FHIT: variants seen among roughly 807,000 people sequenced by gnomAD.
FHIT encodes the protein bis(5'-adenosyl)-triphosphatase.
A neutral mutation model predicts 17.9 loss-of-function variants in FHIT; 19 were observed. The observed-to-expected ratio is 1.06, with a 90% CI of 0.74 to 1.56. The LOEUF is 1.56. Among genes scored for constraint, FHIT ranks in the 40% most tolerant of loss-of-function variants. The probability of loss-of-function intolerance (pLI) is 0.00; values close to 1 mark genes in which losing one functional copy is unlikely to be tolerated. For missense variants in FHIT, 248 were observed against 189.2 expected (o/e 1.31, Z -1.82); for synonymous variants, 81 against 69.7 (o/e 1.16, Z -0.81).
intron 5 of FHIT, among the ~76,000 whole-genome samples, chr3:60,381,515 T>C (rs1284118386): frequency 6.6e-6 from 1 of 151,702 alleles, no homozygotes; most frequent in Non-Finnish European, 1.5e-5. Context: ...GAAAAGATCA[T>C]TAGACATAAA....
At position 60,485,858 on chromosome 3, in the gene FHIT, T is replaced by A. The variant is rs535073579; in HGVS notation, c.103+51002A>T. On this transcript the variant is annotated intron_variant, in intron 5 of 9. Transcript: ENST00000492590. ...CTTGAATAATTAAGGACCCACGGAT[T>A]GTTCATCTTTTCATATACAGACCCC... 6.6e-5 allele frequency among the ~76,000 whole-genome samples: 10 copies of A among 152,304 alleles called. No individual in the cohort carries two copies. The South Asian group carries it at 2.1e-3, about 32-fold the overall frequency.
At chr3:60,200,396 C>G (rs1702843210) in intron 5 of FHIT, among the ~76,000 whole-genome samples, 1 of 152,152 alleles carries the variant, frequency 6.6e-6, no homozygotes, top group Non-Finnish European at 1.5e-5. Context: ...CAGCAGACCA[C>G]TACAATTTCT....
chr3:60,241,416 C>T (rs1705122744), intron 5 of FHIT, among the ~76,000 whole-genome samples: 2 of 151,764 alleles, frequency 1.3e-5, no homozygotes, highest in Admixed American at 1.3e-4. Context: ...AAGTACTGTC[C>T]CCTAATTTTC....
chr3:61,191,021 T>C (rs1041336973), intron 2 of FHIT, among the ~76,000 whole-genome samples: 4 of 152,022 alleles, frequency 2.6e-5, no homozygotes, highest in African/African-American at 7.2e-5. Context: ...ACATGGCACA[T>C]GTATACATAT....
chr3:60,757,207 A>G (rs113668060), intron 4 of FHIT, among the ~76,000 whole-genome samples: 7 of 152,316 alleles, frequency 4.6e-5, no homozygotes, highest in African/African-American at 1.7e-4. Context: ...TATTGCATAA[A>G]TGGGAAGATA....
At chr3:61,051,470 G>A (rs569958960) in intron 2 of FHIT, among the ~76,000 whole-genome samples, 7 of 152,046 alleles carry the variant, frequency 4.6e-5, no homozygotes, top group African/African-American at 1.4e-4. Flanking sequence ...GGCTGATCTC[G>A]AACTCTAGCC....
chr3:60,228,422 CA>C lies in FHIT; in HGVS notation c.104-214271del, dbSNP rs776051903. ...TTATGATTGTATGACCTTGGGAATA[CA>C]CTAAAAAAGCCACTGAATTGCATAC... On this transcript the variant is annotated intron_variant, in intron 5 of 9. Transcript: ENST00000492590. Among the ~76,000 whole-genome samples, 7 of 152,186 alleles carry C rather than the reference CA, an allele frequency of 4.6e-5. No homozygotes were observed. In the East Asian group the frequency reaches 1.2e-3, roughly 25 times the overall value.
intron 3 of FHIT, among the ~76,000 whole-genome samples, chr3:60,999,679 T>C (rs2030928968): frequency 6.6e-6 from 1 of 151,594 alleles, no homozygotes; most frequent in Admixed American, 6.6e-5. Flanking sequence ...TCTTTAGGGA[T>C]CAACACCTGC....
intron 4 of FHIT, among the ~76,000 whole-genome samples, chr3:60,703,687 T>C (rs1559652429): frequency 6.6e-6 from 1 of 152,208 alleles, no homozygotes; most frequent in Admixed American, 6.5e-5. Context: ...TTCTATTTTC[T>C]CTATAGTCTT....
intron 5 of FHIT, among the ~76,000 whole-genome samples, chr3:60,275,565 G>A (rs1386685999): frequency 6.6e-6 from 1 of 152,052 alleles, no homozygotes; most frequent in Non-Finnish European, 1.5e-5. Flanking sequence ...TTGACAGTAG[G>A]CATTCATCTT....
At chr3:60,479,962 G>A (rs987415223) in intron 5 of FHIT, among the ~76,000 whole-genome samples, 3 of 152,128 alleles carry the variant, frequency 2.0e-5, no homozygotes, top group Admixed American at 6.5e-5. Context: ...ATGATAATAC[G>A]TGGCTATACT....
At chr3:60,350,812 T>G (rs1297601654) in intron 5 of FHIT, among the ~76,000 whole-genome samples, 3 of 152,158 alleles carry the variant, frequency 2.0e-5, no homozygotes, top group Non-Finnish European at 4.4e-5. Context: ...GTGTCAGTGA[T>G]TTGCTTCCAA....
intron 5 of FHIT, among the ~76,000 whole-genome samples, chr3:60,215,288 G>A (rs370872755): frequency 1.6e-4 from 25 of 152,194 alleles, no homozygotes; most frequent in Middle Eastern, 3.4e-3. Context: ...TCAGGACTTC[G>A]AGACCAGCCT....
chr3:60,993,116 A>G (rs1253728640), intron 3 of FHIT, among the ~76,000 whole-genome samples: 2 of 152,230 alleles, frequency 1.3e-5, no homozygotes, highest in Non-Finnish European at 2.9e-5. Flanking sequence ...CTAGAAATAC[A>G]TGCTCACTAG....
intron 5 of FHIT, among the ~76,000 whole-genome samples, chr3:60,351,332 C>T (rs147529142): frequency 8.1e-4 from 123 of 152,244 alleles, no homozygotes; most frequent in Non-Finnish European, 1.3e-3. Flanking sequence ...TACACTCAGA[C>T]GCAAGCCACC....
intron 3 of FHIT, among the ~76,000 whole-genome samples, chr3:60,834,629 G>C (rs1175990837): frequency 1.3e-5 from 2 of 152,062 alleles, no homozygotes; most frequent in East Asian, 3.9e-4. Flanking sequence ...AGGCCGAGGA[G>C]GGTGGATCTT....
intron 5 of FHIT, among the ~76,000 whole-genome samples, chr3:60,131,720 G>C (rs915252158): frequency 6.6e-6 from 1 of 152,036 alleles, no homozygotes; most frequent in Non-Finnish European, 1.5e-5. Flanking sequence ...ACTGCTGCCA[G>C]TCTAGGAGAG....
At chr3:60,687,678 C>A (rs1010605279) in intron 4 of FHIT, among the ~76,000 whole-genome samples, 3 of 151,952 alleles carry the variant, frequency 2.0e-5, no homozygotes, top group Non-Finnish European at 2.9e-5. Context: ...TTTATTAAAT[C>A]ATCTTTGTTA....
chr3:61,065,752 C>CA (rs1185270423), intron 2 of FHIT, among the ~76,000 whole-genome samples: 2,349 of 134,658 alleles, frequency 0.017, 31 homozygotes, highest in Admixed American at 0.026. Flanking sequence ...CCTCCCACCT[C>CA]AAAAAAAAAA....
Sources: allele counts gnomAD v4.1 joint callset (sites outside exome capture counted in the v4.1 genomes callset), GRCh38; gene constraint gnomAD v4.1.1; transcripts MANE v1.5; gene names NCBI Gene and HGNC (gene_info 2026-07-23, HGNC 2026-07-21).